The following GEMIN7 variants were observed in gnomAD, a reference collection of about 807,000 sequenced individuals.
GEMIN7 encodes the protein gem-associated protein 7.
In GEMIN7, 7 loss-of-function variants were observed where a neutral mutation model predicts 7.8. The ratio of observed to expected loss-of-function variants is 0.90; its 90% CI spans 0.51 to 1.69. The LOEUF (loss-of-function observed/expected upper bound fraction) is 1.69. GEMIN7 is among the 40% of genes most tolerant of loss of function. The pLI, the probability that GEMIN7 is intolerant of heterozygous loss-of-function variation, is 0.00. For synonymous variants in GEMIN7, 68 were observed against 72.4 expected (o/e 0.94, Z 0.31); for missense variants, 159 against 176.2 (o/e 0.90, Z 0.55).
chr19:45,086,593 TG>T (rs1424214193), intron 2 of GEMIN7, among the ~76,000 whole-genome samples: 1 of 152,132 alleles, frequency 6.6e-6, no homozygotes, highest in Non-Finnish European at 1.5e-5. Context: ...GTTTTACAGA[TG>T]GGGAAACAGA....
upstream of GEMIN7, chr19:45,076,329 G>A (rs753273900): frequency 7.1e-7 from 1 of 1,404,040 alleles, no homozygotes; most frequent in Non-Finnish European, 9.3e-7. This position sits in a 1 kb window ranked among gnomAD's most constrained non-coding sequence, Gnocchi z 4.9. Flanking sequence ...CGGCGGGCGC[G>A]GGCTCTACTC....
chr19:45,077,237 TG>T (rs1181058809), upstream of GEMIN7, among the ~76,000 whole-genome samples: 1 of 152,210 alleles, frequency 6.6e-6, no homozygotes, highest in Non-Finnish European at 1.5e-5. Flanking sequence ...TAAGGTCTTT[TG>T]GTTTTCCTGA....
intron 2 of GEMIN7, among the ~76,000 whole-genome samples, chr19:45,088,936 C>CTTTTTT (rs368470130): frequency 1.4e-5 from 2 of 143,202 alleles, no homozygotes; most frequent in African/African-American, 2.6e-5. Flanking sequence ...CCCATCCATG[C>CTTTTTT]TTTTTTTTTT....
upstream of GEMIN7, chr19:45,075,873 G>A (rs1411675362): frequency 3.1e-6 from 5 of 1,613,456 alleles, no homozygotes; most frequent in Non-Finnish European, 4.2e-6. Flanking sequence ...CTGCAGGGAG[G>A]AAGCGGGTGG....
Position 45,090,593 on chromosome 19 carries a change from C to T in GEMIN7, c.*83C>T. 1.4e-6 allele frequency: 2 copies of T among 1,386,454 alleles called. No individual in the cohort carries two copies. Among genetic ancestry groups the T allele is most frequent in the East Asian group, 4.6e-5 (2 of 43,338 alleles). 85.9% of individuals were successfully genotyped at this position (1,386,454 alleles called of 1,614,324 possible). A position where few individuals can be genotyped will look rare whatever the true frequency, so the allele number is the denominator to read the frequency against. ...TGTTCCCGAGCCAGGAACTCTGGGC[C>T]CCATGGAGTTATGAGCTCCCTTGGA... On this transcript the variant is annotated 3_prime_UTR_variant, in exon 3 of 3. Transcript: ENST00000270257.
chr19:45,090,071 T>G, intron 2 of GEMIN7, 36 bp from the exon 3 acceptor site: 1 of 1,573,660 alleles, frequency 6.4e-7, no homozygotes, highest in Non-Finnish European at 8.6e-7. Flanking sequence ...ATGCTTACCA[T>G]GTAATGACTT....
At chr19:45,089,390 T>A (rs947707435) in intron 2 of GEMIN7, among the ~76,000 whole-genome samples, 1 of 152,250 alleles carries the variant, frequency 6.6e-6, no homozygotes, top group Non-Finnish European at 1.5e-5. Context: ...TGGGTTATAA[T>A]CTGTAACTAT....
At chr19:45,077,695 A>C (rs941878012), upstream of GEMIN7, among the ~76,000 whole-genome samples, 3 of 152,058 alleles carry the variant, frequency 2.0e-5, no homozygotes, top group African/African-American at 7.2e-5. Context: ...CAGTATCTAA[A>C]GTAGCCCCAC....
At position 45,081,475 on chromosome 19, in the gene GEMIN7, A is replaced by G. The variant is rs183173541; in HGVS notation, c.-9+1446A>G. Among the ~76,000 whole-genome samples the G allele has an allele frequency of 2.9e-3, 441 of 151,074 alleles. 3 individuals carry two copies. The highest frequency in any genetic ancestry group is 0.014 in the Middle Eastern group (4 of 292). ...CCGTCTTAAAAAAAAAAAAAAAATTAGAAAATGCAACTATCCCTTAATTCC... is the reference window on the plus strand; with the variant it reads ...CCGTCTTAAAAAAAAAAAAAAAATTGGAAAATGCAACTATCCCTTAATTCC... On this transcript the variant is annotated intron_variant, in intron 2 of 2. Coordinates refer to ENST00000270257, the MANE Select transcript of GEMIN7 (RefSeq NM_024707.3).
At chr19:45,080,758 GTTTTTTGTT>G (rs935423456) in intron 2 of GEMIN7, among the ~76,000 whole-genome samples, 4 of 121,312 alleles carry the variant, frequency 3.3e-5, no homozygotes, top group Admixed American at 8.4e-5. Flanking sequence ...AATCTCCCTT[GTTTTTTGTT>G]TTTTTTTTTT....
upstream of GEMIN7, among the ~76,000 whole-genome samples, chr19:45,078,096 TC>T (rs1370791182): frequency 2.9e-5 from 3 of 102,832 alleles, no homozygotes; most frequent in African/African-American, 4.2e-5. Context: ...CTTATTTTAC[TC>T]TTTTTTTTTT....
chr19:45,083,023 A>T (rs913595605), intron 2 of GEMIN7, among the ~76,000 whole-genome samples: 3 of 152,158 alleles, frequency 2.0e-5, no homozygotes, highest in Non-Finnish European at 4.4e-5. Context: ...TTGTTTCCAT[A>T]TTGTCTATGG....
chr19:45,076,122 C>T (rs1967343502), upstream of GEMIN7: 1 of 1,566,816 alleles, frequency 6.4e-7, no homozygotes, highest in Non-Finnish European at 8.6e-7. The surrounding 1 kb of genome is among the most constrained non-coding windows in gnomAD (Gnocchi z 4.9). Flanking sequence ...ACGGGTTCCG[C>T]GGGCCGAGGG....
intron 2 of GEMIN7, chr19:45,085,511 T>C (rs6509183): frequency 0.55 from 83,604 of 152,024 alleles, 23,690 homozygotes; most frequent in African/African-American, 0.65. Flanking sequence ...CCCCACAACA[T>C]AGCAGATAAT....
intron 2 of GEMIN7, among the ~76,000 whole-genome samples, chr19:45,087,358 G>T (rs1967728733): frequency 1.3e-5 from 2 of 152,162 alleles, no homozygotes; most frequent in African/African-American, 4.8e-5. Flanking sequence ...TGGCCAGGCT[G>T]CTCTCGAACT....
Position 45,090,423 on chromosome 19 carries a change from C to T in GEMIN7, c.309C>T (p.Tyr103=). 1 of 1,614,152 alleles carries T rather than the reference C, an allele frequency of 6.2e-7. No individual in the cohort carries two copies. Among genetic ancestry groups the T allele is most frequent in the Non-Finnish European group, 8.5e-7 (1 of 1,180,036 alleles). Residue 103 remains tyrosine, a synonymous_variant, in exon 3 of 3, where the codon TAC becomes TAT. Coordinates refer to ENST00000270257, the MANE Select transcript of GEMIN7 (RefSeq NM_024707.3). ...CCGACCTGGATGTGGCCAACTTCTA[C>T]GTGTCACAGCTGCAGACTCCCATAG... ...GATDLDVANF[Y]VSQLQTPIGV...
At position 45,091,429 on chromosome 19, in the gene GEMIN7, AAGC is replaced by A. The variant is rs1967888364; in HGVS notation, c.*922_*924del. On this transcript the variant is annotated 3_prime_UTR_variant, in exon 3 of 3. Transcript: ENST00000270257. ...CCTTTCAGCGCATTGTTTAAAAAGA[AAGC>A]AGTTTCTGTCCCTTTCTGTAGTTCC... is the stretch of plus-strand genomic sequence containing the variant. 6.0e-6 allele frequency: 1 copy of A among 167,152 alleles called. No individual in the cohort carries two copies. Among genetic ancestry groups the A allele is most frequent in the Non-Finnish European group, 1.5e-5 (1 of 68,140 alleles). The allele number at this position is 167,152 out of a possible 1,614,324, so 10.4% of individuals were successfully genotyped here.
chr19:45,075,956 C>T, upstream of GEMIN7: 2 of 1,588,856 alleles, frequency 1.3e-6, no homozygotes, highest in Non-Finnish European at 1.7e-6. Flanking sequence ...CAGAAGGGGG[C>T]CTGAGGGGCA....
At chr19:45,088,007 A>G (rs7259979) in intron 2 of GEMIN7, among the ~76,000 whole-genome samples, 79,265 of 141,462 alleles carry the variant, frequency 0.56, 23,283 homozygotes, top group African/African-American at 0.69. Flanking sequence ...GTACTGTGGC[A>G]CAATCTCGGC....
Sources: gnomAD v4.1 joint callset for allele counts (sites outside exome capture counted in the v4.1 genomes callset) on GRCh38, gnomAD v4.1.1 for gene constraint, Gnocchi (gnomAD v3.1) non-coding constraint, MANE v1.5 for transcripts, NCBI Gene and HGNC (gene_info 2026-07-23, HGNC 2026-07-21) for gene names.